GALNT13: variants seen among roughly 807,000 people sequenced by gnomAD.
GALNT13 encodes UDP-GalNAc:polypeptide N-acetylgalactosaminyltransferase 13.
A neutral mutation model predicts 64.2 loss-of-function variants in GALNT13; 28 were observed. That is an observed-to-expected ratio of 0.44 (90% confidence interval 0.32 to 0.60). The LOEUF (loss-of-function observed/expected upper bound fraction) is 0.60. Ranked by LOEUF, GALNT13 falls within the 20% of genes least tolerant of loss-of-function variation. The pLI is 0.05. For synonymous variants in GALNT13, 214 were observed against 224.6 expected (o/e 0.95, Z 0.42); for missense variants, 577 against 669.8 (o/e 0.86, Z 1.53).
At chr2:154,335,907 C>G (rs199777325) in intron 9 of GALNT13, among the ~76,000 whole-genome samples, 3 of 151,936 alleles carry the variant, frequency 2.0e-5, no homozygotes, top group African/African-American at 7.2e-5. Context: ...AACTTTATCT[C>G]TTATATTTCC....
chr2:154,198,820 T>A (rs1014125497), intron 4 of GALNT13, among the ~76,000 whole-genome samples: 5 of 152,070 alleles, frequency 3.3e-5, no homozygotes, highest in African/African-American at 1.2e-4. Flanking sequence ...ATACTGTCTA[T>A]GGTTGTTGTA....
chr2:154,178,143 T>C (rs372335525), intron 4 of GALNT13, among the ~76,000 whole-genome samples: 6 of 152,116 alleles, frequency 3.9e-5, no homozygotes, highest in African/African-American at 1.4e-4. Context: ...TGCCAACCCT[T>C]ATTCACCACT....
chr2:153,577,566 A>T, the GALNT13 span, among the ~76,000 whole-genome samples: 2 of 152,114 alleles, frequency 1.3e-5, no homozygotes, highest in African/African-American at 4.8e-5. Context: ...TCCATCAGAA[A>T]GAAAAGCGTG....
At chr2:153,786,037 C>T in the GALNT13 span, among the ~76,000 whole-genome samples, 2 of 151,868 alleles carry the variant, frequency 1.3e-5, no homozygotes, top group African/African-American at 4.8e-5. Context: ...ACTGGCTGAA[C>T]ACTCCCAGTA....
At chr2:154,233,426 C>T (rs537932963) in intron 4 of GALNT13, among the ~76,000 whole-genome samples, 28 of 152,270 alleles carry the variant, frequency 1.8e-4, no homozygotes, top group Non-Finnish European at 3.5e-4. Context: ...TGTTTACCCA[C>T]GTGAGCAACT....
At chr2:153,686,192 G>A in the GALNT13 span, among the ~76,000 whole-genome samples, 2,493 of 151,038 alleles carry the variant, frequency 0.017, 58 homozygotes, top group African/African-American at 0.056. Context: ...GAATGTCAAT[G>A]GTAGTTTAAT....
chr2:153,688,087 A>G, the GALNT13 span, among the ~76,000 whole-genome samples: 1 of 151,998 alleles, frequency 6.6e-6, no homozygotes, highest in Non-Finnish European at 1.5e-5. Context: ...GTTAACTTTA[A>G]CTTAGAATAG....
chr2:153,923,604 A>T (rs1341775860), intron 2 of GALNT13, among the ~76,000 whole-genome samples: 6 of 151,874 alleles, frequency 4.0e-5, no homozygotes, highest in Admixed American at 3.9e-4. Flanking sequence ...GGTTTGTTAC[A>T]TATGTATACA....
At chr2:153,248,313 A>G in the GALNT13 span, among the ~76,000 whole-genome samples, 3 of 152,324 alleles carry the variant, frequency 2.0e-5, no homozygotes, top group Admixed American at 6.5e-5. Flanking sequence ...AAAATCCTCA[A>G]TAAAATACTG....
At chr2:154,291,019 C>T (rs530563781) in intron 8 of GALNT13, among the ~76,000 whole-genome samples, 7 of 152,006 alleles carry the variant, frequency 4.6e-5, no homozygotes, top group Non-Finnish European at 8.8e-5. Flanking sequence ...AAAGGCAGCC[C>T]GGACCCAAAG....
intron 4 of GALNT13, among the ~76,000 whole-genome samples, chr2:154,176,731 T>C (rs1458649265): frequency 6.6e-6 from 1 of 152,198 alleles, no homozygotes; most frequent in Non-Finnish European, 1.5e-5. Context: ...GTAGTGTTTC[T>C]ATTATGGCTA....
the GALNT13 span, among the ~76,000 whole-genome samples, chr2:153,523,789 G>A: frequency 3.3e-5 from 5 of 151,922 alleles, no homozygotes; most frequent in South Asian, 4.2e-4. Context: ...ATCTGAATAT[G>A]TTTTACTCTT....
the GALNT13 span, among the ~76,000 whole-genome samples, chr2:153,818,924 G>A: frequency 5.3e-5 from 8 of 152,072 alleles, no homozygotes; most frequent in Admixed American, 6.6e-5. Flanking sequence ...CCAGTGACCT[G>A]AGGACCAGTC....
the GALNT13 span, among the ~76,000 whole-genome samples, chr2:153,245,532 C>T: frequency 1.3e-5 from 2 of 152,132 alleles, no homozygotes; most frequent in African/African-American, 4.8e-5. Flanking sequence ...CTGCAGCTGA[C>T]CTGAAGAAAA....
At chr2:154,353,678 G>A (rs372237047) in intron 9 of GALNT13, among the ~76,000 whole-genome samples, 117 of 152,132 alleles carry the variant, frequency 7.7e-4, no homozygotes, top group African/African-American at 2.6e-3. Context: ...TTTTCTTTCA[G>A]TGTCTGGCTT....
At chr2:153,626,107 T>C in the GALNT13 span, among the ~76,000 whole-genome samples, 19 of 152,108 alleles carry the variant, frequency 1.2e-4, no homozygotes, top group Admixed American at 3.9e-4. Context: ...CCTTAACTGC[T>C]CCAATTTAAT....
the GALNT13 span, among the ~76,000 whole-genome samples, chr2:153,333,401 C>T: frequency 2.0e-5 from 3 of 152,282 alleles, no homozygotes; most frequent in East Asian, 3.9e-4. Context: ...CAGATGCCAT[C>T]ACAAGGGCCG....
At chr2:154,386,283 A>T (rs1308920335) in intron 9 of GALNT13, among the ~76,000 whole-genome samples, 1 of 152,042 alleles carries the variant, frequency 6.6e-6, no homozygotes. Context: ...AAATGTAACC[A>T]TGTGTGGGAA....
intron 4 of GALNT13, among the ~76,000 whole-genome samples, chr2:154,159,195 C>T (rs1017274605): frequency 6.6e-6 from 1 of 151,926 alleles, no homozygotes; most frequent in South Asian, 2.1e-4. Context: ...AATGCAATGG[C>T]ACTATCTTGG....
Sources: allele counts gnomAD v4.1 joint callset (sites outside exome capture counted in the v4.1 genomes callset), GRCh38; gene constraint gnomAD v4.1.1; transcripts MANE v1.5; gene names NCBI Gene and HGNC (gene_info 2026-07-23, HGNC 2026-07-21).